Variants in OSMR observed in about 807,000 individuals in gnomAD.
OSMR encodes oncostatin M receptor.
In OSMR, 81 loss-of-function variants were observed where a neutral mutation model predicts 99.9. The ratio of observed to expected loss-of-function variants is 0.81; its 90% CI spans 0.68 to 0.97. The LOEUF (loss-of-function observed/expected upper bound fraction) is 0.97. Among genes scored for constraint, OSMR ranks in the 50% least tolerant of loss-of-function variants. The pLI, the probability that OSMR is intolerant of heterozygous loss-of-function variation, is 0.00. For synonymous variants in OSMR, 406 were observed against 410.4 expected, an observed-to-expected ratio of 0.99 and a Z score of 0.13; for missense variants, 1,099 against 1,153.4, an observed-to-expected ratio of 0.95 and a Z score of 0.68.
exon 3 of OSMR, chr5:38,945,073 A>G (rs1419033906): frequency 3.8e-6 from 6 of 1,580,618 alleles, no homozygotes; most frequent in Non-Finnish European, 5.2e-6. Flanking sequence ...GAAAGTCTGA[A>G]GAAAAAAATA....
intron 3 of OSMR, among the ~76,000 whole-genome samples, chr5:38,880,792 A>C (rs551648017): frequency 3.9e-5 from 6 of 152,212 alleles, no homozygotes; most frequent in Non-Finnish European, 8.8e-5. Flanking sequence ...AAGGCCTTGC[A>C]TGACAGGGCA....
chr5:38,891,184 G>T (rs1744133220), intron 7 of OSMR, among the ~76,000 whole-genome samples: 1 of 152,172 alleles, frequency 6.6e-6, no homozygotes, highest in Non-Finnish European at 1.5e-5. Context: ...ATGAAACCAA[G>T]GTCAGAGTAC....
At chr5:38,912,472 T>C (rs1035722057) in intron 9 of OSMR, among the ~76,000 whole-genome samples, 1 of 152,082 alleles carries the variant, frequency 6.6e-6, no homozygotes, top group African/African-American at 2.4e-5. Context: ...ATTGGAAGAA[T>C]CAATATCATT....
At chr5:38,848,048 G>A (rs889309773) in intron 1 of OSMR, among the ~76,000 whole-genome samples, 8 of 152,160 alleles carry the variant, frequency 5.3e-5, no homozygotes, top group Non-Finnish European at 8.8e-5. Flanking sequence ...CGAATCAGGA[G>A]AACTGTTACG....
intron 7 of OSMR, among the ~76,000 whole-genome samples, chr5:38,901,484 G>A (rs1744887247): frequency 6.6e-6 from 1 of 152,210 alleles, no homozygotes; most frequent in Non-Finnish European, 1.5e-5. Context: ...ATGAACCCAA[G>A]TAAGAATGGG....
At position 38,876,259 on chromosome 5, in the gene OSMR, G is replaced by C; in HGVS notation, c.132G>C (p.Thr44=). 6.2e-7 allele frequency: 1 copy of C among 1,613,436 alleles called. No homozygotes were observed. Among genetic ancestry groups the C allele is most frequent in the Non-Finnish European group, 8.5e-7 (1 of 1,179,730 alleles). Residue 44 remains threonine (T), a synonymous_variant, in exon 3 of 18, where the codon ACG becomes ACC. Transcript: ENST00000274276. ...CACTTAAAGTTTCCACCAATTCTAC[G>C]CGTCAGAGTTTGCACTTACAATGGA... ...PVSLKVSTNS[T]RQSLHLQWTV...
At chr5:38,855,063 C>G (rs1740735064) in intron 1 of OSMR, among the ~76,000 whole-genome samples, 1 of 152,136 alleles carries the variant, frequency 6.6e-6, no homozygotes, top group South Asian at 2.1e-4. Context: ...CCGGCCAGAG[C>G]AGCAGTGAGA....
chr5:38,923,174 A>T lies in OSMR; in HGVS notation c.1790A>T (p.Tyr597Phe), dbSNP rs543031125. The T allele has an allele frequency of 2.5e-6, 4 of 1,613,388 alleles. No homozygotes were observed. In the South Asian group the frequency reaches 3.3e-5, roughly 13 times the overall value. The change falls in exon 13 of 18, where the codon TAT (tyrosine) becomes TTT (phenylalanine). Residue 597 changes from tyrosine (Y) to phenylalanine (F), a missense_variant. Physicochemically the swap from Tyr to Phe is conservative, Grantham distance 22. Transcript: ENST00000274276. Reference protein sequence around the residue: ...STDAFRPGVRYDFRIYGLSTK... With the variant: ...STDAFRPGVRFDFRIYGLSTK... ...GATGCTTTTAGGCCAGGAGTTCGAT[A>T]TGACTTCAGAATTTATGGGTTATCT...
At chr5:38,932,650 G>T (rs1456751190) in intron 17 of OSMR, 115 bp downstream of exon 17, 2 of 1,547,854 alleles carry the variant, frequency 1.3e-6, no homozygotes, top group Non-Finnish European at 1.7e-6. Context: ...CACAGTAAAA[G>T]CCATCTTTGC....
chr5:38,912,909 A>C (rs1745678392), intron 9 of OSMR, among the ~76,000 whole-genome samples: 1 of 152,162 alleles, frequency 6.6e-6, no homozygotes, highest in African/African-American at 2.4e-5. Context: ...ACCTTTCACC[A>C]TGTAGAAAAA....
intron 1 of OSMR, among the ~76,000 whole-genome samples, chr5:38,864,676 T>A (rs898146827): frequency 1.3e-5 from 2 of 152,168 alleles, no homozygotes; most frequent in Admixed American, 1.3e-4. Flanking sequence ...TCTTTCTTTT[T>A]AAAAAATTAT....
downstream of OSMR, chr5:38,945,202 AC>A (rs1284281565): frequency 1.4e-6 from 1 of 695,446 alleles, no homozygotes; most frequent in Non-Finnish European, 2.3e-6. Flanking sequence ...CACTTCCAAA[AC>A]TTTTTTCCTC....
At chr5:38,855,375 G>C (rs1740759503) in intron 1 of OSMR, among the ~76,000 whole-genome samples, 1 of 152,148 alleles carries the variant, frequency 6.6e-6, no homozygotes, top group Non-Finnish European at 1.5e-5. Flanking sequence ...TGTGTATCCG[G>C]CTAGCTGCCT....
chr5:38,942,790 T>C (rs1747734909), intron 1 of OSMR: 2 of 1,456,340 alleles, frequency 1.4e-6, no homozygotes, highest in South Asian at 2.3e-5. Context: ...AAACACAGAA[T>C]TATTCTTGGA....
intron 4 of OSMR, among the ~76,000 whole-genome samples, chr5:38,882,716 C>T (rs1377608798): frequency 2.0e-5 from 3 of 152,000 alleles, no homozygotes; most frequent in African/African-American, 4.8e-5. Flanking sequence ...TATTTGCGCA[C>T]GTTAAACTAA....
chr5:38,943,943 C>A (rs931732809), intron 1 of OSMR, among the ~76,000 whole-genome samples: 1 of 152,052 alleles, frequency 6.6e-6, no homozygotes, highest in East Asian at 1.9e-4. Flanking sequence ...TACATGTAAG[C>A]CCACTTTCCT....
At chr5:38,859,505 T>C (rs572713152) in intron 1 of OSMR, among the ~76,000 whole-genome samples, 1 of 152,314 alleles carries the variant, frequency 6.6e-6, no homozygotes, top group African/African-American at 2.4e-5. Context: ...ACTGTAGTTT[T>C]GTAGTATATT....
intron 2 of OSMR, chr5:38,944,596 A>G (rs368839617): frequency 3.7e-5 from 57 of 1,548,128 alleles, no homozygotes; most frequent in Admixed American, 2.0e-4. Context: ...GAGAAGTTAA[A>G]TATTATCTAT....
intron 14 of OSMR, 40 bp from the exon 15 acceptor site, chr5:38,925,164 T>C: frequency 6.2e-7 from 1 of 1,608,766 alleles, no homozygotes; most frequent in African/African-American, 1.3e-5. Context: ...TAATAAAATC[T>C]TTTTTTTCCT....
Sources: gnomAD v4.1 joint callset for allele counts (sites outside exome capture counted in the v4.1 genomes callset) on GRCh38, gnomAD v4.1.1 for gene constraint, MANE v1.5 for transcripts, NCBI Gene and HGNC (gene_info 2026-07-23, HGNC 2026-07-21) for gene names.